Variants in MEMO1 observed in about 807,000 individuals in gnomAD.
MEMO1 encodes protein MEMO1.
In MEMO1, 6 loss-of-function variants were observed where a neutral mutation model predicts 45.2. That is an observed-to-expected ratio of 0.13 (90% confidence interval 0.07 to 0.26). The LOEUF (loss-of-function observed/expected upper bound fraction) is 0.26. Among genes scored for constraint, MEMO1 ranks in the 10% least tolerant of loss-of-function variants. MEMO1 has a pLI of 1.00. For missense variants in MEMO1, 184 were observed against 370.5 expected, an observed-to-expected ratio of 0.50 and a Z score of 4.13; for synonymous variants, 78 against 124.3, an observed-to-expected ratio of 0.63 and a Z score of 2.48.
At chr2:32,000,473 G>A (rs1472426099) in intron 2 of MEMO1, among the ~76,000 whole-genome samples, 4 of 150,886 alleles carry the variant, frequency 2.7e-5, no homozygotes, top group African/African-American at 4.9e-5. Context: ...CTCGTGATCC[G>A]CCCGCCTCGG....
At chr2:31,975,176 AAAAC>A (rs1005564116) in intron 2 of MEMO1, among the ~76,000 whole-genome samples, 1 of 152,204 alleles carries the variant, frequency 6.6e-6, no homozygotes, top group African/African-American at 2.4e-5. Flanking sequence ...CCATCTCAAA[AAAAC>A]AAACAAATAA....
intron 7 of MEMO1, among the ~76,000 whole-genome samples, chr2:31,887,524 T>G (rs1452292748): frequency 6.6e-6 from 1 of 152,162 alleles, no homozygotes; most frequent in African/African-American, 2.4e-5. Context: ...ATTAGGCCAT[T>G]CTATACTAAG....
chr2:31,968,757 G>T (rs1253493594), intron 2 of MEMO1, among the ~76,000 whole-genome samples: 5 of 151,964 alleles, frequency 3.3e-5, no homozygotes, highest in Non-Finnish European at 7.4e-5. Context: ...CTATTTGTTT[G>T]TTTTCATTCA....
In MEMO1 at chr2:31,992,721, G is replaced by C. The variant is rs7600844; in HGVS notation, c.61+17466C>G. ...ATCACTCGAACCCAGGAGATGGAGG[G>C]TGCAGTGAGCCGAGATCGTGCCACT... On this transcript the variant is annotated intron_variant, in intron 2 of 9. Transcript: ENST00000404530. Among the ~76,000 whole-genome samples, 43 of 152,242 alleles carry C rather than the reference G, an allele frequency of 2.8e-4. No individual in the cohort carries two copies. In the East Asian group the frequency reaches 7.4e-3, roughly 26 times the overall value.
At chr2:31,967,162 T>C (rs896501350) in intron 2 of MEMO1, among the ~76,000 whole-genome samples, 2 of 151,250 alleles carry the variant, frequency 1.3e-5, no homozygotes, top group African/African-American at 4.9e-5. Flanking sequence ...CTCGCTTTGT[T>C]GCCCAGGCTG....
rs115358770 is a variant in MEMO1, at chr2:31,982,933, C to G, written c.61+27254G>C. Among the ~76,000 whole-genome samples the G allele has an allele frequency of 1.8e-3, 268 of 151,956 alleles. 1 individual carries two copies. Among genetic ancestry groups the G allele is most frequent in the African/African-American group, 6.2e-3 (258 of 41,458 alleles). On this transcript the variant is annotated intron_variant, in intron 2 of 9. Coordinates refer to ENST00000404530, the MANE Select transcript of MEMO1 (RefSeq NM_001301833.4). ...TTAGAGTTGGAGAAATGAGTACAAA[C>G]TCATGTTAAGTTTAATATACATAGG...
At chr2:31,873,941 T>A (rs905579419) in intron 8 of MEMO1, among the ~76,000 whole-genome samples, 1 of 152,078 alleles carries the variant, frequency 6.6e-6, no homozygotes, top group African/African-American at 2.4e-5. Context: ...GTTATAAAAC[T>A]TACTAAAAAG....
rs570620206 is a variant in MEMO1, at chr2:31,944,856, T to C, written c.62-1473A>G. Among the ~76,000 whole-genome samples, 36 of 152,280 alleles carry C rather than the reference T, an allele frequency of 2.4e-4. 2 individuals are homozygous for C. Among genetic ancestry groups the C allele is most frequent in the Middle Eastern group, 6.8e-3 (2 of 294 alleles). On this transcript the variant is annotated intron_variant, in intron 2 of 9. Coordinates refer to ENST00000404530, the MANE Select transcript of MEMO1 (RefSeq NM_001301833.4). ...TTTTAAAACTTTTAATCATTAAATA[T>C]TTAAACATTACAAAAGAATCTAGGT...
chr2:31,949,210 C>CA (rs1666531954), intron 2 of MEMO1, among the ~76,000 whole-genome samples: 1 of 152,146 alleles, frequency 6.6e-6, no homozygotes, highest in Admixed American at 6.5e-5. Context: ...GGAGGCTCCT[C>CA]AAAAAATTGA....
intron 6 of MEMO1, among the ~76,000 whole-genome samples, chr2:31,899,340 T>G (rs1242928205): frequency 2.0e-5 from 3 of 152,148 alleles, no homozygotes; most frequent in African/African-American, 4.8e-5. Flanking sequence ...AACAGATATA[T>G]AGACCAATGG....
rs34487390 is a variant in MEMO1 at position 31,933,317 on chromosome 2, TAAAAAAAAAAAAAAAAA to T, written c.144-1199_144-1183del. 5.8e-4 allele frequency among the ~76,000 whole-genome samples: 14 copies of T among 24,110 alleles called. 1 individual carries two copies. In the East Asian group the frequency reaches 7.4e-3, roughly 13 times the overall value. The allele number at this position is 24,110 out of a possible 152,430, so 15.8% of individuals were successfully genotyped here. ...ATGACAGAGCGAGATACCACCTCTT[TAAAAAAAAAAAAAAAAA>T]AAAAAAAAAAAAAAATTTATATATA... On this transcript the variant is annotated intron_variant, in intron 3 of 9. Transcript: ENST00000404530.
At chr2:31,990,092 GGAC>G (rs1444331887) in intron 2 of MEMO1, among the ~76,000 whole-genome samples, 1 of 152,146 alleles carries the variant, frequency 6.6e-6, no homozygotes, top group Non-Finnish European at 1.5e-5. Context: ...ACTCCAGCAT[GGAC>G]GACAGAGCAA....
At chr2:31,987,526 A>C (rs1331109469) in intron 2 of MEMO1, among the ~76,000 whole-genome samples, 1 of 152,250 alleles carries the variant, frequency 6.6e-6, no homozygotes, top group Non-Finnish European at 1.5e-5. Context: ...TGTAAGGCTA[A>C]ATTTGTCATC....
chr2:31,914,624 C>T (rs972656669), intron 6 of MEMO1, among the ~76,000 whole-genome samples: 12 of 151,878 alleles, frequency 7.9e-5, no homozygotes, highest in African/African-American at 2.7e-4. Flanking sequence ...CATGCACCCA[C>T]AAAAATTAAA....
At chr2:31,933,354 T>A (rs1558514392) in intron 3 of MEMO1, among the ~76,000 whole-genome samples, 855 of 17,052 alleles carry the variant, frequency 0.05, 54 homozygotes, top group Middle Eastern at 0.1. Flanking sequence ...AAAAAATTTA[T>A]ATATATATAT....
Position 31,945,782 on chromosome 2 carries a change from A to G in MEMO1, c.62-2399T>C, listed in dbSNP as rs763166113. Among the ~76,000 whole-genome samples the G allele has an allele frequency of 5.8e-4, 88 of 152,224 alleles. 2 individuals are homozygous for G. The highest frequency in any genetic ancestry group is 3.2e-3 in the Middle Eastern group (1 of 316). On this transcript the variant is annotated intron_variant, in intron 2 of 9. Transcript: ENST00000404530. Reference sequence around the variant, plus strand: ...TGTAAAATTACATCCTGTCATAAAGATATGAGTTCATTTTTCCTTTAGAAA... The same window carrying G: ...TGTAAAATTACATCCTGTCATAAAGGTATGAGTTCATTTTTCCTTTAGAAA...
chr2:31,930,128 T>C (rs1182882843), intron 4 of MEMO1, among the ~76,000 whole-genome samples: 5 of 152,166 alleles, frequency 3.3e-5, no homozygotes, highest in Non-Finnish European at 5.9e-5. Context: ...CTCAGTGTGG[T>C]GGCGTGCACC....
At chr2:31,968,811 T>C (rs540928944) in intron 2 of MEMO1, among the ~76,000 whole-genome samples, 14 of 152,278 alleles carry the variant, frequency 9.2e-5, no homozygotes, top group East Asian at 1.9e-4. Flanking sequence ...CACAGAATTT[T>C]AGATAGTAAA....
intron 6 of MEMO1, among the ~76,000 whole-genome samples, chr2:31,899,226 A>C (rs1036723755): frequency 2.0e-5 from 3 of 152,228 alleles, no homozygotes; most frequent in Non-Finnish European, 2.9e-5. Context: ...CATATAGCCA[A>C]GACAATCCTA....
Sources: allele counts gnomAD v4.1 joint callset (sites outside exome capture counted in the v4.1 genomes callset), GRCh38; gene constraint gnomAD v4.1.1; transcripts MANE v1.5; gene names NCBI Gene and HGNC (gene_info 2026-07-23, HGNC 2026-07-21).